The following SESN2 variants were observed in gnomAD, a reference collection of about 807,000 sequenced individuals.
SESN2 encodes sestrin 2.
SESN2 carries 42 observed loss-of-function variants against 56.0 expected under a neutral mutation model. The ratio of observed to expected loss-of-function variants is 0.75; its 90% confidence interval spans 0.59 to 0.97. The LOEUF (loss-of-function observed/expected upper bound fraction) is 0.97. SESN2 is among the 50% of genes least tolerant of loss of function. SESN2 has a pLI of 0.00. For synonymous variants in SESN2, 264 were observed against 267.1 expected (o/e 0.99, Z 0.11); for missense variants, 507 against 649.4 (o/e 0.78, Z 2.38).
chr1:28,273,006 A>G (rs1647846002), intron 5 of SESN2, among the ~76,000 whole-genome samples: 1 of 152,172 alleles, frequency 6.6e-6, no homozygotes, highest in African/African-American at 2.4e-5. Context: ...GTTAAATGAA[A>G]TACCATGTGA....
rs542943772 is a variant in SESN2, at chr1:28,263,238, C to T, written c.90+3301C>T. 3.9e-5 allele frequency among the ~76,000 whole-genome samples: 6 copies of T among 152,302 alleles called. 1 individual carries two copies. Among genetic ancestry groups the T allele is most frequent in the Admixed American group, 6.5e-5 (1 of 15,294 alleles). On this transcript the variant is annotated intron_variant, in intron 1 of 9. Coordinates refer to ENST00000253063, the MANE Select transcript of SESN2 (RefSeq NM_031459.5). ...TTTGGAAGAGGACCTTTCTGAGCCT[C>T]TCTGACCTGTTTCCGAAGAAGGGAT...
intron 1 of SESN2, among the ~76,000 whole-genome samples, chr1:28,264,363 G>A (rs760720323): frequency 1.4e-4 from 21 of 152,098 alleles, no homozygotes; most frequent in Non-Finnish European, 2.9e-4. Context: ...GCCAGGCACA[G>A]GTCTGGGGCC....
intron 2 of SESN2, among the ~76,000 whole-genome samples, chr1:28,271,109 G>T (rs1055703134): frequency 6.6e-6 from 1 of 152,190 alleles, no homozygotes; most frequent in Admixed American, 6.5e-5. Flanking sequence ...CTTTGAGCAA[G>T]GAAGAAAACT....
Position 28,280,902 on chromosome 1 carries a change from G to A in SESN2, c.*100G>A, listed in dbSNP as rs533051045. ...TGTGTCCCATGCCCACCCTCCCCACGCTGCAGTGGGCTTGTGTGTGATGTG... is the reference window on the plus strand; with the variant it reads ...TGTGTCCCATGCCCACCCTCCCCACACTGCAGTGGGCTTGTGTGTGATGTG... On this transcript the variant is annotated 3_prime_UTR_variant, in exon 10 of 10. Coordinates refer to ENST00000253063, the MANE Select transcript of SESN2 (RefSeq NM_031459.5). 1.2e-5 allele frequency: 10 copies of A among 842,538 alleles called. No homozygotes were observed. Among genetic ancestry groups the A allele is most frequent in the Admixed American group, 3.8e-5 (2 of 53,014 alleles). 52.2% of individuals were successfully genotyped at this position (842,538 alleles called of 1,614,324 possible). A position where few individuals can be genotyped will look rare whatever the true frequency, so the allele number is the denominator to read the frequency against.
chr1:28,274,276 A>C, intron 7 of SESN2, 118 bp downstream of exon 7: 1 of 724,336 alleles, frequency 1.4e-6, no homozygotes, highest in Admixed American at 2.0e-5. Flanking sequence ...TCACACCTGT[A>C]ATCCCAGCAC....
At chr1:28,269,334 T>A in intron 2 of SESN2, 86 bp downstream of exon 2, 1 of 854,526 alleles carries the variant, frequency 1.2e-6, no homozygotes. Context: ...TCCTGTTCTT[T>A]AAATTGCAGC....
At chr1:28,262,456 C>T (rs1466985552) in intron 1 of SESN2, among the ~76,000 whole-genome samples, 2 of 150,470 alleles carry the variant, frequency 1.3e-5, no homozygotes, top group Non-Finnish European at 3.0e-5. Flanking sequence ...CAGCCTGAAA[C>T]CCTGTCTCTA....
intron 7 of SESN2, among the ~76,000 whole-genome samples, chr1:28,274,362 T>A (rs368266620): frequency 6.6e-6 from 1 of 152,116 alleles, no homozygotes; most frequent in East Asian, 1.9e-4. Context: ...CGAAACCCTG[T>A]CTCTACAAAA....
rs760952506 is a variant in SESN2 at position 28,273,514 on chromosome 1, G to T, written c.901+6G>T. The T allele has an allele frequency of 1.1e-4, 171 of 1,585,036 alleles. No homozygotes were observed. Among genetic ancestry groups the T allele is most frequent in the Non-Finnish European group, 1.4e-4 (164 of 1,166,498 alleles). On this transcript the variant is annotated splice_donor_region_variant and intron_variant, in intron 6 of 9. Coordinates refer to ENST00000253063, the MANE Select transcript of SESN2 (RefSeq NM_031459.5). ...CCTGCTGGTGACCCCCTCAGGTACA[G>T]GGTCACAGGCATCCAGGCTCCCGTG...
At chr1:28,274,733 A>G (rs75746456) in intron 7 of SESN2, 92 bp from the exon 8 acceptor site, 32,116 of 984,602 alleles carry the variant, frequency 0.033, 675 homozygotes, top group Middle Eastern at 0.047. Context: ...ACCAGGAAGG[A>G]GAATCATGGA....
intron 2 of SESN2, among the ~76,000 whole-genome samples, chr1:28,269,652 C>T (rs1212585493): frequency 6.6e-6 from 1 of 152,106 alleles, no homozygotes; most frequent in Non-Finnish European, 1.5e-5. Flanking sequence ...TTTCAGAAAG[C>T]TCTGATCTCC....
At chr1:28,273,738 G>C (rs754581097) in intron 6 of SESN2, among the ~76,000 whole-genome samples, 2 of 152,194 alleles carry the variant, frequency 1.3e-5, no homozygotes, top group East Asian at 3.9e-4. Context: ...CAGGATTGCT[G>C]TGTAGGGTTA....
chr1:28,271,767 G>A lies in SESN2; in HGVS notation c.250G>A (p.Gly84Ser). 1 of 1,614,162 alleles carries A rather than the reference G, an allele frequency of 6.2e-7. No homozygotes were observed. Among genetic ancestry groups the A allele is most frequent in the East Asian group, 2.2e-5 (1 of 44,880 alleles). Residue 84 changes from glycine to serine, a missense_variant, in exon 3 of 10, where the codon GGC (glycine) becomes AGC (serine). Coordinates refer to ENST00000253063, the MANE Select transcript of SESN2 (RefSeq NM_031459.5). The stretch of plus-strand genomic sequence containing the variant: ...AGTAGACAACCTGGCAGTGGTGATG[G>A]GCCTGCACCCTGACTACTTTACCAG... Reference protein sequence around the residue: ...GRVDNLAVVMGLHPDYFTSFW... With the variant: ...GRVDNLAVVMSLHPDYFTSFW...
intron 2 of SESN2, among the ~76,000 whole-genome samples, chr1:28,269,535 C>T (rs1215480603): frequency 1.3e-5 from 2 of 151,658 alleles, no homozygotes; most frequent in Non-Finnish European, 2.9e-5. Flanking sequence ...TGCCTGCTTT[C>T]CCTTAAGAAG....
At chr1:28,265,657 A>C (rs1647535247) in intron 1 of SESN2, among the ~76,000 whole-genome samples, 1 of 152,092 alleles carries the variant, frequency 6.6e-6, no homozygotes, top group Non-Finnish European at 1.5e-5. Flanking sequence ...GGCCTCTCAA[A>C]GTGCTGGGAT....
At chr1:28,280,171 C>T (rs1469239216) in intron 9 of SESN2, among the ~76,000 whole-genome samples, 1 of 151,988 alleles carries the variant, frequency 6.6e-6, no homozygotes, top group African/African-American at 2.4e-5. Flanking sequence ...CTCAAGTGAT[C>T]CTCTCACCTC....
chr1:28,265,744 C>T (rs1572092095), intron 1 of SESN2, among the ~76,000 whole-genome samples: 1 of 152,086 alleles, frequency 6.6e-6, no homozygotes, highest in African/African-American at 2.4e-5. Flanking sequence ...AGACTGTTCT[C>T]AAATTCCTAG....
chr1:28,271,309 A>G (rs1647767370), intron 2 of SESN2, among the ~76,000 whole-genome samples: 1 of 152,014 alleles, frequency 6.6e-6, no homozygotes, highest in Non-Finnish European at 1.5e-5. Context: ...TAGAATAGAC[A>G]CTCCATGAAG....
intron 1 of SESN2, among the ~76,000 whole-genome samples, chr1:28,262,457 C>T (rs1647405838): frequency 6.7e-6 from 1 of 150,154 alleles, no homozygotes; most frequent in African/African-American, 2.5e-5. Flanking sequence ...AGCCTGAAAC[C>T]CTGTCTCTAC....
Sources: allele counts gnomAD v4.1 joint callset (sites outside exome capture counted in the v4.1 genomes callset), GRCh38; gene constraint gnomAD v4.1.1; transcripts MANE v1.5; gene names NCBI Gene and HGNC (gene_info 2026-07-23, HGNC 2026-07-21).